PIGK: variants seen among roughly 807,000 people sequenced by gnomAD.
PIGK encodes GPI-anchor transamidase.
Under a neutral mutation model 50.6 loss-of-function variants are expected in PIGK, and 42 were observed. That is an observed-to-expected ratio of 0.83 (90% CI 0.65 to 1.07). The LOEUF (loss-of-function observed/expected upper bound fraction) is 1.07, where lower values mean the gene tolerates loss of function less well. PIGK is among the 50% of genes least tolerant of loss of function. The probability of loss-of-function intolerance (pLI) is 0.00; values close to 1 mark genes in which losing one functional copy is unlikely to be tolerated. For missense variants in PIGK, 448 were observed against 488.7 expected (o/e 0.92, Z 0.78); for synonymous variants, 151 against 156.0 (o/e 0.97, Z 0.24).
At chr1:77,145,177 T>A (rs1171282748) in intron 9 of PIGK, among the ~76,000 whole-genome samples, 2 of 151,996 alleles carry the variant, frequency 1.3e-5, no homozygotes, top group Non-Finnish European at 2.9e-5. Context: ...CTATTGAATA[T>A]GTAAATTTAA....
At chr1:77,171,324 C>G (rs1655355358) in intron 3 of PIGK, among the ~76,000 whole-genome samples, 2 of 150,080 alleles carry the variant, frequency 1.3e-5, no homozygotes, top group African/African-American at 4.9e-5. Context: ...GTAGTCCCAG[C>G]TACTCCAGAG....
At chr1:77,116,407 G>A (rs111643999) in intron 10 of PIGK, among the ~76,000 whole-genome samples, 7 of 151,888 alleles carry the variant, frequency 4.6e-5, no homozygotes, top group East Asian at 1.9e-4. Flanking sequence ...GGATGGTCTC[G>A]ATCTCCTGAC....
intron 3 of PIGK, among the ~76,000 whole-genome samples, chr1:77,203,200 AG>A (rs1656210784): frequency 6.6e-6 from 1 of 152,210 alleles, no homozygotes; most frequent in Non-Finnish European, 1.5e-5. Context: ...GGAAACTTTC[AG>A]GAGTGATTGT....
chr1:77,135,688 T>C (rs1654492183), intron 9 of PIGK, among the ~76,000 whole-genome samples: 1 of 152,010 alleles, frequency 6.6e-6, no homozygotes, highest in African/African-American at 2.4e-5. Flanking sequence ...TTTCTGATCT[T>C]ATTTCCTCTA....
In PIGK at chr1:77,210,155, A is replaced by G. The variant is rs577853578; in HGVS notation, c.147+281T>C. Among the ~76,000 whole-genome samples the G allele has an allele frequency of 2.0e-5, 3 of 152,200 alleles. No homozygotes were observed. In the East Asian group the frequency reaches 5.8e-4, roughly 29 times the overall value. On this transcript the variant is annotated intron_variant, in intron 2 of 10. Transcript: ENST00000370812. ...GCAATTAGTAGTTTCCAGCATTAAA[A>G]TATTTCTACCTCTTATAAAATGTTT... is the stretch of plus-strand genomic sequence containing the variant.
At chr1:77,162,407 T>C (rs1262878651) in intron 6 of PIGK, among the ~76,000 whole-genome samples, 2 of 152,142 alleles carry the variant, frequency 1.3e-5, no homozygotes, top group African/African-American at 4.8e-5. Flanking sequence ...GTATAAGTGC[T>C]TGGGAACAGA....
At chr1:77,178,731 G>A (rs957454584) in intron 3 of PIGK, among the ~76,000 whole-genome samples, 10 of 152,070 alleles carry the variant, frequency 6.6e-5, no homozygotes, top group African/African-American at 1.7e-4. Flanking sequence ...TCCTTGGTGC[G>A]CTATATTTTC....
At chr1:77,107,112 A>C (rs1204279610) in intron 10 of PIGK, among the ~76,000 whole-genome samples, 1 of 151,870 alleles carries the variant, frequency 6.6e-6, no homozygotes, top group Non-Finnish European at 1.5e-5. Context: ...GATCTTAGTT[A>C]TTTCTTGCCT....
intron 10 of PIGK, among the ~76,000 whole-genome samples, chr1:77,098,444 G>T (rs1653471117): frequency 6.6e-6 from 1 of 151,676 alleles, no homozygotes; most frequent in African/African-American, 2.4e-5. Context: ...TGATCCTCCT[G>T]CCTCAACACC....
intron 7 of PIGK, 22 bp downstream of exon 7, chr1:77,161,572 C>T (rs1557810216): frequency 9.0e-7 from 1 of 1,115,078 alleles, no homozygotes; most frequent in Non-Finnish European, 1.4e-6. Context: ...ACACAGTTTA[C>T]AAATGGGGAA....
chr1:77,161,245 A>G (rs749548402), intron 8 of PIGK, 50 bp downstream of exon 8: 1 of 883,276 alleles, frequency 1.1e-6, no homozygotes, highest in South Asian at 1.3e-5. Flanking sequence ...TTCTTTTCAC[A>G]TTAAGGTTAG....
In PIGK at chr1:77,089,960, A is replaced by G. The variant is rs1348139626; in HGVS notation, c.*2414T>C. On this transcript the variant is annotated 3_prime_UTR_variant, in exon 11 of 11. Coordinates refer to ENST00000370812, the MANE Select transcript of PIGK (RefSeq NM_005482.3). The stretch of plus-strand genomic sequence containing the variant: ...CTGAAGGACACCATGGGGGAGGAGA[A>G]AAAGAACAGCAAAGAGAACAAGAAT... The G allele has an allele frequency of 1.3e-5, 2 of 152,224 alleles. No homozygotes were observed. Among genetic ancestry groups the G allele is most frequent in the East Asian group, 3.8e-4 (2 of 5,204 alleles). 9.4% of individuals were successfully genotyped at this position (152,224 alleles called of 1,614,324 possible). A position where few individuals can be genotyped will look rare whatever the true frequency, so the allele number is the denominator to read the frequency against.
rs115664272 is a variant in PIGK at position 77,119,801 on chromosome 1, T to C, written c.1071+2474A>G. ...TTCTAAGTTGTGCTACTAGTGAGAG[T>C]CCTTGGCTTCTGGTGCCTGGGTAGT... On this transcript the variant is annotated intron_variant, in intron 10 of 10. Coordinates refer to ENST00000370812, the MANE Select transcript of PIGK (RefSeq NM_005482.3). Among the ~76,000 whole-genome samples the C allele has an allele frequency of 4.0e-3, 610 of 152,140 alleles. 5 individuals are homozygous for C. Among genetic ancestry groups the C allele is most frequent in the African/African-American group, 0.014 (590 of 41,476 alleles).
At chr1:77,108,393 T>C (rs938073154) in intron 10 of PIGK, among the ~76,000 whole-genome samples, 35 of 152,148 alleles carry the variant, frequency 2.3e-4, no homozygotes, top group African/African-American at 7.5e-4. Context: ...AAAATTCTTT[T>C]CTTTAAGAAT....
chr1:77,116,191 CT>C (rs1318529706), intron 10 of PIGK, among the ~76,000 whole-genome samples: 10 of 148,848 alleles, frequency 6.7e-5, no homozygotes, highest in South Asian at 4.3e-4. Context: ...ACATCTTTCT[CT>C]TTTTTTTTTG....
At chr1:77,119,545 G>T (rs963020305) in intron 10 of PIGK, among the ~76,000 whole-genome samples, 8 of 152,078 alleles carry the variant, frequency 5.3e-5, no homozygotes, top group African/African-American at 1.9e-4. Flanking sequence ...GGTTTCCTAG[G>T]TATACAGTCA....
chr1:77,214,607 A>T (rs1656508775), intron 1 of PIGK, among the ~76,000 whole-genome samples: 1 of 152,020 alleles, frequency 6.6e-6, no homozygotes, highest in South Asian at 2.1e-4. Context: ...AAGGATACCC[A>T]CTCTCACCAC....
intron 3 of PIGK, among the ~76,000 whole-genome samples, chr1:77,203,599 G>C (rs1315996200): frequency 6.6e-6 from 1 of 151,990 alleles, no homozygotes; most frequent in Non-Finnish European, 1.5e-5. Context: ...GAAAATTCTG[G>C]CAACCTATTT....
intron 1 of PIGK, among the ~76,000 whole-genome samples, chr1:77,210,961 A>T (rs976134771): frequency 1.3e-5 from 2 of 151,962 alleles, no homozygotes; most frequent in Non-Finnish European, 2.9e-5. Flanking sequence ...GTACCCTGAG[A>T]ATTATTAAGA....
Sources: gnomAD v4.1 joint callset for allele counts (sites outside exome capture counted in the v4.1 genomes callset) on GRCh38, gnomAD v4.1.1 for gene constraint, MANE v1.5 for transcripts, NCBI Gene and HGNC (gene_info 2026-07-23, HGNC 2026-07-21) for gene names.